UTRN: variants seen among roughly 807,000 people sequenced by gnomAD.
UTRN encodes utrophin, also known as dystrophin-related protein 1.
Under a neutral mutation model 463.9 loss-of-function variants are expected in UTRN, and 283 were observed. The observed-to-expected ratio is 0.61, with a 90% CI of 0.55 to 0.67. UTRN has a LOEUF of 0.67. Ranked by LOEUF, UTRN falls within the 30% of genes least tolerant of loss-of-function variation. The probability of loss-of-function intolerance (pLI) is 0.00; values close to 1 mark genes in which losing one functional copy is unlikely to be tolerated. For synonymous variants in UTRN, 1,442 were observed against 1,431.5 expected (o/e 1.01, Z -0.17); for missense variants, 3,922 against 4,084.3 (o/e 0.96, Z 1.08).
At chr6:144,747,263 G>C (rs1370846875) in intron 54 of UTRN, among the ~76,000 whole-genome samples, 1 of 152,178 alleles carries the variant, frequency 6.6e-6, no homozygotes, top group Non-Finnish European at 1.5e-5. Flanking sequence ...CAATTGCACT[G>C]CCTCTTTATT....
rs761437286 is a variant in UTRN, at chr6:144,493,387, G to A, written c.4524G>A (p.Thr1508=). The A allele has an allele frequency of 6.2e-7, 1 of 1,614,002 alleles. No individual in the cohort carries two copies. The highest frequency in any genetic ancestry group is 8.5e-7 in the Non-Finnish European group (1 of 1,179,964). ...TGRHIVQKQQ[T]DNPKGMDEQL... is the part of the protein sequence containing the mutation. ...GACATATTGTCCAGAAACAGCAAAC[G>A]GACAACCCAAAAGGGATGGATGAGC... The change falls in exon 33 of 75, where the codon ACG becomes ACA. Residue 1508 remains threonine (T), a synonymous_variant. Coordinates refer to ENST00000367545, the MANE Select transcript of UTRN (RefSeq NM_007124.3).
At chr6:144,442,346 C>T (rs1787262345) in intron 13 of UTRN, among the ~76,000 whole-genome samples, 1 of 152,136 alleles carries the variant, frequency 6.6e-6, no homozygotes, top group Non-Finnish European at 1.5e-5. Context: ...CTGTCTTCTT[C>T]TGAGCTCTCC....
intron 45 of UTRN, among the ~76,000 whole-genome samples, chr6:144,539,962 A>C (rs955475193): frequency 2.6e-5 from 4 of 151,244 alleles, no homozygotes; most frequent in Non-Finnish European, 5.9e-5. Flanking sequence ...AGAATTGCCT[A>C]TACCTGGGAG....
At chr6:144,319,549 G>A (rs1775499525) in intron 2 of UTRN, among the ~76,000 whole-genome samples, 1 of 152,102 alleles carries the variant, frequency 6.6e-6, no homozygotes, top group African/African-American at 2.4e-5. Context: ...AACATTGTAT[G>A]TTTCTATCTT....
chr6:144,821,283 CTT>C (rs1222469906), intron 66 of UTRN, among the ~76,000 whole-genome samples: 2 of 152,120 alleles, frequency 1.3e-5, no homozygotes, highest in Non-Finnish European at 2.9e-5. Context: ...CTGGTCATCT[CTT>C]TTGTTGGTCA....
intron 1 of UTRN, among the ~76,000 whole-genome samples, chr6:144,289,240 G>T (rs1230311564): frequency 1.3e-5 from 2 of 152,106 alleles, no homozygotes; most frequent in African/African-American, 4.8e-5. Context: ...TCACCTAATT[G>T]CCTAAGCCAA....
chr6:144,643,762 A>G (rs922246207), intron 51 of UTRN, among the ~76,000 whole-genome samples: 2 of 150,736 alleles, frequency 1.3e-5, no homozygotes, highest in Non-Finnish European at 2.9e-5. Context: ...ATGCCATTGC[A>G]CTCCAGCCTG....
chr6:144,315,593 G>A (rs932004845), intron 2 of UTRN, among the ~76,000 whole-genome samples: 2 of 152,216 alleles, frequency 1.3e-5, no homozygotes, highest in Admixed American at 6.5e-5. Context: ...GCCCTTTTGC[G>A]TGGGCAATTA....
intron 18 of UTRN, among the ~76,000 whole-genome samples, chr6:144,452,309 A>T (rs907193778): frequency 6.6e-6 from 1 of 152,188 alleles, no homozygotes; most frequent in African/African-American, 2.4e-5. Flanking sequence ...AGGATAGCTG[A>T]ATTTATTTGA....
At chr6:144,672,194 C>T (rs1034801889) in intron 51 of UTRN, among the ~76,000 whole-genome samples, 2 of 151,838 alleles carry the variant, frequency 1.3e-5, no homozygotes, top group African/African-American at 4.8e-5. Context: ...GGAGGATTTC[C>T]TCTTTCTCTG....
chr6:144,484,731 C>T (rs1440467711), intron 27 of UTRN, among the ~76,000 whole-genome samples: 1 of 151,906 alleles, frequency 6.6e-6, no homozygotes, highest in Admixed American at 6.6e-5. Context: ...GTGTGAACCA[C>T]CGCACTTGGT....
intron 51 of UTRN, among the ~76,000 whole-genome samples, chr6:144,604,476 G>A (rs1301869503): frequency 1.3e-5 from 2 of 152,106 alleles, no homozygotes; most frequent in African/African-American, 4.8e-5. Flanking sequence ...AAACTCAGGA[G>A]CTTTGTATAA....
intron 50 of UTRN, among the ~76,000 whole-genome samples, chr6:144,558,964 T>C (rs1799624023): frequency 6.6e-6 from 1 of 152,156 alleles, no homozygotes; most frequent in Admixed American, 6.6e-5. Context: ...AAAAGAGATA[T>C]AGTCCTTAAA....
rs765219499 is a variant in UTRN, at chr6:144,793,991, G to A, written c.9078G>A (p.Gln3026=). 2 of 1,613,470 alleles carry A rather than the reference G, an allele frequency of 1.2e-6. No individual in the cohort carries two copies. The highest frequency in any genetic ancestry group is 2.7e-5 in the African/African-American group (2 of 74,762). ...IEPSVRSCFQ[Q]NNNKPEISVK... Reference sequence around the variant, plus strand: ...CTAGTGTTCGCAGCTGCTTCCAACAGGTAAGCATGAAGGATCACTGGTGTG... The same window carrying A: ...CTAGTGTTCGCAGCTGCTTCCAACAAGTAAGCATGAAGGATCACTGGTGTG... Residue 3026 remains glutamine, a splice_region_variant and synonymous_variant, in exon 63 of 75, where the codon CAG becomes CAA. Coordinates refer to ENST00000367545, the MANE Select transcript of UTRN (RefSeq NM_007124.3).
intron 41 of UTRN, among the ~76,000 whole-genome samples, chr6:144,523,922 T>G (rs1185979462): frequency 1.3e-5 from 2 of 152,148 alleles, no homozygotes; most frequent in Admixed American, 1.3e-4. Context: ...TCTTACTAGA[T>G]TTTGACCAGG....
At chr6:144,774,391 A>G (rs1433934637) in intron 60 of UTRN, 27 bp downstream of exon 60, 1 of 1,541,814 alleles carries the variant, frequency 6.5e-7, no homozygotes, top group East Asian at 2.4e-5. Context: ...AAGTTAATCA[A>G]TCTGTTACTT....
rs1460172418 is a variant in UTRN, at chr6:144,542,880, GTTTATC to G, written c.6595+15_6595+20del. On this transcript the variant is annotated intron_variant, in intron 46 of 74. Transcript: ENST00000367545. ...CAGACAAGGATTGCTGGTAAGATAT[GTTTATC>G]TTTAACAAAGTTTTTTAAAAAATCA... 3.1e-6 allele frequency: 5 copies of G among 1,604,790 alleles called. No homozygotes were observed. Among genetic ancestry groups the G allele is most frequent in the Admixed American group, 3.4e-5 (2 of 58,490 alleles).
intron 51 of UTRN, among the ~76,000 whole-genome samples, chr6:144,606,984 G>T (rs1309390810): frequency 6.6e-6 from 1 of 152,154 alleles, no homozygotes; most frequent in Non-Finnish European, 1.5e-5. Context: ...TGGCCTCATT[G>T]TACATCCTTT....
chr6:144,488,835 G>A lies in UTRN; in HGVS notation c.4134+1G>A, dbSNP rs766709360. On this transcript the variant is annotated splice_donor_variant, in intron 30 of 74. Coordinates refer to ENST00000367545, the MANE Select transcript of UTRN (RefSeq NM_007124.3). LOFTEE classifies it high-confidence loss of function. ...TTTCCAAGTTCCACAGGAAGCTCAG[G>A]TATTGCCGTGCATTTGAGGGCTTTT... The A allele has an allele frequency of 1.3e-6, 2 of 1,586,604 alleles. No individual in the cohort carries two copies. Among genetic ancestry groups the A allele is most frequent in the South Asian group, 1.2e-5 (1 of 86,694 alleles).
Sources: allele counts gnomAD v4.1 joint callset (sites outside exome capture counted in the v4.1 genomes callset), GRCh38; gene constraint gnomAD v4.1.1; transcripts MANE v1.5; gene names NCBI Gene and HGNC (gene_info 2026-07-23, HGNC 2026-07-21).